Variants in TFDP2 observed in about 807,000 individuals in gnomAD.
The protein encoded by TFDP2 is transcription factor Dp-2 (E2F dimerization partner 2).
Under a neutral mutation model 59.3 loss-of-function variants are expected in TFDP2, and 17 were observed. That is an observed-to-expected ratio of 0.29 (90% CI 0.20 to 0.43). The LOEUF (loss-of-function observed/expected upper bound fraction) is 0.43, where lower values mean the gene tolerates loss of function less well. Ranked by LOEUF, TFDP2 falls within the 20% of genes least tolerant of loss-of-function variation. The pLI is 1.00. For synonymous variants in TFDP2, 180 were observed against 194.7 expected, an observed-to-expected ratio of 0.92 and a Z score of 0.63; for missense variants, 391 against 528.8, an observed-to-expected ratio of 0.74 and a Z score of 2.56.
At chr3:142,005,594 T>G in intron 3 of TFDP2, 50 bp from the exon 4 acceptor site, 1 of 1,311,800 alleles carries the variant, frequency 7.6e-7, no homozygotes, top group Non-Finnish European at 1.1e-6. Flanking sequence ...ACCAAGGCCA[T>G]TTTCTAGCTA....
At chr3:142,044,646 C>T (rs1947237338) in intron 3 of TFDP2, among the ~76,000 whole-genome samples, 1 of 152,174 alleles carries the variant, frequency 6.6e-6, no homozygotes, top group Admixed American at 6.5e-5. Context: ...GCTGGGATTA[C>T]AGGCGTGAGC....
chr3:141,952,380 T>C lies in TFDP2; in HGVS notation c.*133A>G. On this transcript the variant is annotated 3_prime_UTR_variant, in exon 13 of 13. Coordinates refer to ENST00000489671, the MANE Select transcript of TFDP2 (RefSeq NM_001178139.2). ...CTCAGCCTTCATGTGATTTGCTTAT[T>C]GTGTTTCTCTAGTTTTCACTGAACA... 1.3e-6 allele frequency: 1 copy of C among 799,922 alleles called. No individual in the cohort carries two copies. Among genetic ancestry groups the C allele is most frequent in the South Asian group, 2.3e-5 (1 of 43,102 alleles). The allele number at this position is 799,922 out of a possible 1,614,324, so 49.6% of individuals were successfully genotyped here. A position where few individuals can be genotyped will look rare whatever the true frequency, so the allele number is the denominator to read the frequency against.
At chr3:142,117,009 C>T (rs1363764977) in intron 1 of TFDP2, among the ~76,000 whole-genome samples, 4 of 152,018 alleles carry the variant, frequency 2.6e-5, no homozygotes, top group African/African-American at 9.7e-5. Flanking sequence ...GCAACCTTAG[C>T]CTCACAAGCT....
chr3:142,008,393 C>T (rs1944386888), intron 3 of TFDP2, among the ~76,000 whole-genome samples: 1 of 152,114 alleles, frequency 6.6e-6, no homozygotes, highest in African/African-American at 2.4e-5. Context: ...TCTCAGACTC[C>T]TCAACATGGC....
At chr3:142,077,734 G>A (rs1207962297) in intron 3 of TFDP2, among the ~76,000 whole-genome samples, 1 of 152,078 alleles carries the variant, frequency 6.6e-6, no homozygotes, top group African/African-American at 2.4e-5. Context: ...CTGGCTTCAC[G>A]TATGACCCAG....
chr3:141,997,258 T>G (rs1394539409), intron 4 of TFDP2, among the ~76,000 whole-genome samples: 3 of 152,174 alleles, frequency 2.0e-5, no homozygotes, highest in African/African-American at 4.8e-5. Context: ...AAAAAGTAAC[T>G]TCATTTATTG....
chr3:142,146,025 G>A (rs2063161374), intron 1 of TFDP2, among the ~76,000 whole-genome samples: 1 of 152,126 alleles, frequency 6.6e-6, no homozygotes, highest in Non-Finnish European at 1.5e-5. Context: ...TCTTTAGCAG[G>A]TAAAGAACTC....
intron 1 of TFDP2, among the ~76,000 whole-genome samples, chr3:142,126,742 T>G (rs981141842): frequency 1.3e-5 from 2 of 149,808 alleles, no homozygotes; most frequent in Non-Finnish European, 3.0e-5. Flanking sequence ...AGGTCAGGAG[T>G]TCAAGACCAG....
At position 142,101,755 on chromosome 3, in the gene TFDP2, A is replaced by T; in HGVS notation, c.-6T>A. The T allele has an allele frequency of 2.2e-6, 3 of 1,344,792 alleles. No individual in the cohort carries two copies. Among genetic ancestry groups the T allele is most frequent in the Non-Finnish European group, 3.0e-6 (3 of 1,015,026 alleles). 83.3% of individuals were successfully genotyped at this position (1,344,792 alleles called of 1,614,324 possible). On this transcript the variant is annotated 5_prime_UTR_variant, in exon 2 of 13. Coordinates refer to ENST00000489671, the MANE Select transcript of TFDP2 (RefSeq NM_001178139.2). ...CTTACATTTTTTGCCGTCATGTCAA[A>T]CTGTATTCTATTTAAGATTCTGTAA...
chr3:142,020,801 T>C (rs116274377), intron 3 of TFDP2, among the ~76,000 whole-genome samples: 2,001 of 151,600 alleles, frequency 0.013, 44 homozygotes, highest in African/African-American at 0.046. Flanking sequence ...CTGGGCAACA[T>C]AGTAAGGCCT....
At chr3:142,126,304 G>T (rs373984690) in intron 1 of TFDP2, 1 of 150,960 alleles carries the variant, frequency 6.6e-6, no homozygotes. Context: ...TCAGCCTCCC[G>T]AGTAGCTGGG....
intron 8 of TFDP2, among the ~76,000 whole-genome samples, chr3:141,971,425 T>C (rs1007957600): frequency 2.7e-5 from 4 of 149,340 alleles, no homozygotes; most frequent in African/African-American, 9.9e-5. Context: ...GGCAGGCGCC[T>C]GTAATCCCAG....
intron 6 of TFDP2, among the ~76,000 whole-genome samples, chr3:141,983,208 A>G (rs1162143710): frequency 1.3e-5 from 2 of 152,232 alleles, no homozygotes; most frequent in African/African-American, 4.8e-5. Flanking sequence ...CCATACACAG[A>G]TGAGAGATTT....
At chr3:142,011,579 T>A (rs1576692182) in intron 3 of TFDP2, among the ~76,000 whole-genome samples, 1 of 111,038 alleles carries the variant, frequency 9.0e-6, no homozygotes, top group Non-Finnish European at 1.9e-5. Context: ...ACCCTAAAAC[T>A]TAAAGTATAA....
At chr3:142,061,915 C>CT (rs1576874444) in intron 3 of TFDP2, among the ~76,000 whole-genome samples, 8 of 150,358 alleles carry the variant, frequency 5.3e-5, no homozygotes, top group East Asian at 2.0e-4. Flanking sequence ...CACACACACA[C>CT]ACACACACAC....
intron 3 of TFDP2, chr3:142,044,096 C>A: frequency 1.6e-6 from 1 of 642,180 alleles, no homozygotes; most frequent in Non-Finnish European, 2.9e-6. Flanking sequence ...CGGGAGTTGG[C>A]ATTGGCAATT....
intron 3 of TFDP2, among the ~76,000 whole-genome samples, chr3:142,069,116 A>G (rs760674202): frequency 6.6e-6 from 1 of 151,930 alleles, no homozygotes; most frequent in Non-Finnish European, 1.5e-5. Context: ...AGGTTTCATC[A>G]TGTTGGCCAG....
chr3:142,137,896 G>A (rs1215216922), intron 1 of TFDP2, among the ~76,000 whole-genome samples: 1 of 152,206 alleles, frequency 6.6e-6, no homozygotes, highest in Non-Finnish European at 1.5e-5. Flanking sequence ...CATAAAATGA[G>A]TTAGGGAGGA....
chr3:141,982,712 T>C (rs1941618916), intron 6 of TFDP2, among the ~76,000 whole-genome samples: 1 of 152,184 alleles, frequency 6.6e-6, no homozygotes, highest in Non-Finnish European at 1.5e-5. Context: ...AAACTAAACA[T>C]AGTCCTTAAG....
Sources: allele counts gnomAD v4.1 joint callset (sites outside exome capture counted in the v4.1 genomes callset), GRCh38; gene constraint gnomAD v4.1.1; transcripts MANE v1.5; gene names NCBI Gene and HGNC (gene_info 2026-07-23, HGNC 2026-07-21).